The following PTPRD variants were observed in gnomAD, a reference collection of about 807,000 sequenced individuals.
PTPRD encodes receptor-type tyrosine-protein phosphatase delta.
PTPRD carries 34 observed loss-of-function variants against 214.5 expected under a neutral mutation model. The ratio of observed to expected loss-of-function variants is 0.16; its 90% CI spans 0.12 to 0.21. The LOEUF (loss-of-function observed/expected upper bound fraction) is 0.21. Among genes scored for constraint, PTPRD ranks in the 10% least tolerant of loss-of-function variants. The probability of loss-of-function intolerance (pLI) is 1.00; values close to 1 mark genes in which losing one functional copy is unlikely to be tolerated. For synonymous variants in PTPRD, 1,128 were observed against 845.7 expected (o/e 1.33, Z -5.79); for missense variants, 2,545 against 2,398.7 (o/e 1.06, Z -1.27).
intron 5 of PTPRD, among the ~76,000 whole-genome samples, chr9:9,934,166 G>C (rs1372497841): frequency 6.8e-6 from 1 of 148,010 alleles, no homozygotes; most frequent in Non-Finnish European, 1.5e-5. Flanking sequence ...ACAATTAAAA[G>C]AACTAGAAAA....
chr9:9,083,804 G>C (rs2099762716), intron 10 of PTPRD, among the ~76,000 whole-genome samples: 1 of 152,144 alleles, frequency 6.6e-6, no homozygotes, highest in Non-Finnish European at 1.5e-5. Context: ...ATGAAAAAAA[G>C]CTCATCATCA....
chr9:10,006,286 G>A (rs1017436444), intron 4 of PTPRD, among the ~76,000 whole-genome samples: 1 of 151,946 alleles, frequency 6.6e-6, no homozygotes, highest in Non-Finnish European at 1.5e-5. Context: ...ACAAGCCTTT[G>A]ACAATGTGAC....
intron 9 of PTPRD, among the ~76,000 whole-genome samples, chr9:9,383,257 T>C (rs903973334): frequency 4.6e-5 from 7 of 151,852 alleles, no homozygotes; most frequent in African/African-American, 1.4e-4. Context: ...AATTGTCCTA[T>C]TTTTTCTCAT....
intron 32 of PTPRD, among the ~76,000 whole-genome samples, chr9:8,462,675 A>G (rs2134281582): frequency 6.6e-6 from 1 of 151,950 alleles, no homozygotes; most frequent in African/African-American, 2.4e-5. Flanking sequence ...CCAGGCCCCC[A>G]CTTGAATACT....
chr9:10,484,481 T>G (rs1255748272), intron 2 of PTPRD, among the ~76,000 whole-genome samples: 2 of 152,108 alleles, frequency 1.3e-5, no homozygotes, highest in African/African-American at 4.8e-5. Flanking sequence ...CCATAGTAGT[T>G]GTATTATTTA....
At chr9:8,367,312 C>T (rs1158125608) in intron 39 of PTPRD, among the ~76,000 whole-genome samples, 1 of 151,920 alleles carries the variant, frequency 6.6e-6, no homozygotes, top group Non-Finnish European at 1.5e-5. Context: ...GTTTTATTAC[C>T]ATAAGCAGTG....
chr9:8,605,116 G>A (rs983457683), intron 14 of PTPRD, among the ~76,000 whole-genome samples: 6 of 152,104 alleles, frequency 3.9e-5, no homozygotes, highest in African/African-American at 1.2e-4. Context: ...CAACCCAACT[G>A]CCACAAATAA....
chr9:9,506,403 T>A (rs372473014), intron 8 of PTPRD, among the ~76,000 whole-genome samples: 2 of 151,558 alleles, frequency 1.3e-5, no homozygotes, highest in African/African-American at 4.8e-5. Flanking sequence ...CACAATATCT[T>A]ACTTCTTGGA....
At chr9:8,939,903 A>G (rs10114101) in intron 11 of PTPRD, among the ~76,000 whole-genome samples, 6,635 of 152,052 alleles carry the variant, frequency 0.044, 475 homozygotes, top group African/African-American at 0.15. Flanking sequence ...TTTCAAAACT[A>G]AAGTTTTCTT....
chr9:8,750,810 C>G (rs1202716799), intron 11 of PTPRD, among the ~76,000 whole-genome samples: 1 of 152,118 alleles, frequency 6.6e-6, no homozygotes, highest in African/African-American at 2.4e-5. Context: ...AGTGGAGAGA[C>G]TGGATTGCAT....
chr9:9,438,719 C>A (rs544132348), intron 8 of PTPRD, among the ~76,000 whole-genome samples: 2 of 152,184 alleles, frequency 1.3e-5, no homozygotes, highest in African/African-American at 4.8e-5. Context: ...TACAGTTCTT[C>A]CAAAATTGCA....
At chr9:8,847,289 A>C (rs2097716835) in intron 11 of PTPRD, among the ~76,000 whole-genome samples, 1 of 124,466 alleles carries the variant, frequency 8.0e-6, no homozygotes, top group African/African-American at 4.7e-5. Context: ...TATACATAAC[A>C]GTATTTATTA....
chr9:9,084,009 C>A (rs2099763075), intron 10 of PTPRD, among the ~76,000 whole-genome samples: 1 of 152,086 alleles, frequency 6.6e-6, no homozygotes, highest in South Asian at 2.1e-4. Context: ...TCCTCGAGGA[C>A]CTAGAACCAG....
At chr9:8,627,210 A>G (rs1182876559) in intron 14 of PTPRD, among the ~76,000 whole-genome samples, 1 of 151,808 alleles carries the variant, frequency 6.6e-6, no homozygotes, top group Non-Finnish European at 1.5e-5. Context: ...AGCTGGAAGA[A>G]CATTGTTCTT....
At chr9:10,277,949 G>A (rs1174943441) in intron 3 of PTPRD, among the ~76,000 whole-genome samples, 3 of 152,086 alleles carry the variant, frequency 2.0e-5, no homozygotes, top group African/African-American at 7.2e-5. Context: ...ATGAGGTCGG[G>A]AGATCGAGAC....
At chr9:10,206,253 C>A (rs1384009931) in intron 3 of PTPRD, among the ~76,000 whole-genome samples, 1 of 152,070 alleles carries the variant, frequency 6.6e-6, no homozygotes, top group Non-Finnish European at 1.5e-5. Flanking sequence ...TTTATGAAAG[C>A]CAAGTAGTAG....
chr9:8,337,958 T>A (rs942864790), intron 43 of PTPRD, among the ~76,000 whole-genome samples: 10 of 152,058 alleles, frequency 6.6e-5, no homozygotes, highest in African/African-American at 2.4e-4. Context: ...ACCTTCAGAA[T>A]AGTTAATATA....
chr9:8,462,279 C>T lies in PTPRD; in HGVS notation c.3715-1708G>A, dbSNP rs185908404. Among the ~76,000 whole-genome samples, 585 of 152,080 alleles carry T rather than the reference C, an allele frequency of 3.8e-3. 3 individuals are homozygous for T. Among genetic ancestry groups the T allele is most frequent in the Middle Eastern group, 0.014 (4 of 294 alleles). The stretch of plus-strand genomic sequence containing the variant: ...AGAAAAAAGGAATAGAATGGAAACA[C>T]TGATATTAGCTAATCAGTGTCCCCC... On this transcript the variant is annotated intron_variant, in intron 32 of 45. Transcript: ENST00000381196.
intron 11 of PTPRD, among the ~76,000 whole-genome samples, chr9:8,934,092 C>A (rs550012746): frequency 1.4e-4 from 21 of 151,958 alleles, no homozygotes; most frequent in East Asian, 3.9e-4. Flanking sequence ...TTCCTTCTCT[C>A]ACCTCCAGAT....
Sources: gnomAD v4.1 joint callset for allele counts (sites outside exome capture counted in the v4.1 genomes callset) on GRCh38, gnomAD v4.1.1 for gene constraint, MANE v1.5 for transcripts, NCBI Gene and HGNC (gene_info 2026-07-23, HGNC 2026-07-21) for gene names.